Variants in FLT4 observed in about 807,000 individuals in gnomAD.
FLT4 encodes the protein fms related receptor tyrosine kinase 4.
A neutral mutation model predicts 163.2 loss-of-function variants in FLT4; 30 were observed. That is an observed-to-expected ratio of 0.18 (90% CI 0.14 to 0.25). The LOEUF (loss-of-function observed/expected upper bound fraction) is 0.25. Ranked by LOEUF, FLT4 falls within the 10% of genes least tolerant of loss-of-function variation. The pLI, the probability that FLT4 is intolerant of heterozygous loss-of-function variation, is 1.00. For missense variants in FLT4, 1,510 were observed against 1,863.8 expected (o/e 0.81, Z 3.50); for synonymous variants, 884 against 789.5 (o/e 1.12, Z -2.01).
rs775747461 is a variant in FLT4 at position 180,630,197 on chromosome 5, G to A, written c.513+28C>T. ...TTCCCAGGGGTGGGATGGGAGGGTCGGATGCTGGGGTTGGGGTGGGGCCGT... is the reference window on the plus strand; with the variant it reads ...TTCCCAGGGGTGGGATGGGAGGGTCAGATGCTGGGGTTGGGGTGGGGCCGT... On this transcript the variant is annotated intron_variant, in intron 4 of 29. Transcript: ENST00000261937. This position sits in a 1 kb window ranked among gnomAD's most constrained non-coding sequence, Gnocchi z 6.3. 11 of 1,608,012 alleles carry A rather than the reference G, an allele frequency of 6.8e-6. No homozygotes were observed. The highest frequency in any genetic ancestry group is 1.7e-5 in the Admixed American group (1 of 59,952).
At chr5:180,641,096 C>A (rs1765064519) in intron 1 of FLT4, among the ~76,000 whole-genome samples, 1 of 152,238 alleles carries the variant, frequency 6.6e-6, no homozygotes, top group Non-Finnish European at 1.5e-5. Context: ...GCCTCCCAGG[C>A]CCCTGCTCTC....
intron 29 of FLT4, among the ~76,000 whole-genome samples, 160 bp downstream of exon 29, chr5:180,608,808 A>G (rs1761952512): frequency 6.6e-6 from 1 of 152,204 alleles, no homozygotes; most frequent in Non-Finnish European, 1.5e-5. Context: ...GCTGTAGGTC[A>G]GGAGGGGTCT....
chr5:180,624,834 G>A (rs1458064229), intron 10 of FLT4, among the ~76,000 whole-genome samples: 1 of 152,242 alleles, frequency 6.6e-6, no homozygotes, highest in East Asian at 1.9e-4. Context: ...GCCAGGATTG[G>A]GGGGGTAGTC....
intron 28 of FLT4, 189 bp downstream of exon 28, chr5:180,609,716 A>C: frequency 1.5e-6 from 1 of 677,478 alleles, no homozygotes; most frequent in South Asian, 1.7e-5. Context: ...AGGGCATAGG[A>C]CAGAAAGCAG....
Position 180,631,621 on chromosome 5 carries a change from C to A in FLT4, c.155+61G>T, listed in dbSNP as rs980658201. On this transcript the variant is annotated intron_variant, in intron 2 of 29. Coordinates refer to ENST00000261937, the MANE Select transcript of FLT4 (RefSeq NM_182925.5). The stretch of plus-strand genomic sequence containing the variant: ...GGCTGCCATCTGGGCCCACAGCCAC[C>A]ACCTCCTGCCTTGGGCTTGTGCAGC... The A allele has an allele frequency of 5.1e-6, 7 of 1,367,892 alleles. No homozygotes were observed. In the African/African-American group the frequency reaches 1.0e-4, roughly 19 times the overall value. The allele number at this position is 1,367,892 out of a possible 1,614,324, so 84.7% of individuals were successfully genotyped here.
intron 1 of FLT4, among the ~76,000 whole-genome samples, chr5:180,645,720 G>A (rs1056500769): frequency 2.0e-5 from 3 of 152,116 alleles, no homozygotes; most frequent in Admixed American, 6.5e-5. Flanking sequence ...CTCCTCCTCC[G>A]GGAATGAATG....
chr5:180,619,932 G>T (rs548180630), intron 17 of FLT4, among the ~76,000 whole-genome samples, 163 bp from the exon 18 acceptor site: 1 of 152,274 alleles, frequency 6.6e-6, no homozygotes, highest in East Asian at 1.9e-4. Flanking sequence ...ACAGGAGGCC[G>T]CGCATCCTCC....
rs571655629 is a variant in FLT4, at chr5:180,636,762, C to T, written c.59-4984G>A. Among the ~76,000 whole-genome samples the T allele has an allele frequency of 2.0e-5, 3 of 152,198 alleles. No homozygotes were observed. In the South Asian group the frequency reaches 6.2e-4, roughly 32 times the overall value. On this transcript the variant is annotated intron_variant, in intron 1 of 29. Coordinates refer to ENST00000261937, the MANE Select transcript of FLT4 (RefSeq NM_182925.5). This position sits in a 1 kb window ranked among gnomAD's most constrained non-coding sequence, Gnocchi z 4.3. ...CTTCTACGTCTCTCTCCCTGCTTCC[C>T]CTGTTCTTGATCCACATCCTTCAGC...
chr5:180,629,901 AGTGACAGCCCCGTTACTGGGAACGG>A lies in FLT4; in HGVS notation c.676+17_676+41del. The A allele has an allele frequency of 6.2e-7, 1 of 1,612,706 alleles. No homozygotes were observed. The highest frequency in any genetic ancestry group is 1.1e-5 in the South Asian group (1 of 91,054). ...CGACACCCACTGAGGCCAGTGAGGC[AGTGACAGCCCCGTTACTGGGAACGG>A]GGCACAGCCCTGTTACCTGTGATGT... On this transcript the variant is annotated intron_variant, in intron 5 of 29. Transcript: ENST00000261937.
At position 180,602,562 on chromosome 5, in the gene FLT4, C is replaced by T. The variant is rs1176369486; in HGVS notation, c.*630G>A. 1 of 400,134 alleles carries T rather than the reference C, an allele frequency of 2.5e-6. No homozygotes were observed. The highest frequency in any genetic ancestry group is 2.1e-5 in the African/African-American group (1 of 48,652). 24.8% of individuals were successfully genotyped at this position (400,134 alleles called of 1,614,324 possible). ...CCAGGCGCAGGTGTGCGGGCTGCCT[C>T]TGTGTTGCCAGCGTATAATACTGTC... On this transcript the variant is annotated 3_prime_UTR_variant, in exon 30 of 30. Transcript: ENST00000261937.
intron 29 of FLT4, chr5:180,607,895 C>T (rs893210509): frequency 8.6e-6 from 5 of 583,210 alleles, no homozygotes; most frequent in East Asian, 5.7e-5. Context: ...CCCTCTGTCA[C>T]GCTGGCATAA....
intron 26 of FLT4, 52 bp downstream of exon 26, chr5:180,612,454 C>A (rs937456040): frequency 1.5e-6 from 2 of 1,370,718 alleles, no homozygotes. Context: ...GGGCCAGGGA[C>A]CCAGGGCAGG....
Position 180,627,504 on chromosome 5 carries a change from C to T in FLT4, c.1104-1239G>A, listed in dbSNP as rs375995340. Among the ~76,000 whole-genome samples, 264 of 152,330 alleles carry T rather than the reference C, an allele frequency of 1.7e-3. 3 individuals are homozygous for T. Among genetic ancestry groups the T allele is most frequent in the African/African-American group, 6.1e-3 (253 of 41,570 alleles). The stretch of plus-strand genomic sequence containing the variant: ...CGGACAGTGACAGCAGCGTGCTGGA[C>T]ACACTGCGGGTGCTTCGGAAGCCAA... On this transcript the variant is annotated intron_variant, in intron 8 of 29. Coordinates refer to ENST00000261937, the MANE Select transcript of FLT4 (RefSeq NM_182925.5).
Position 180,624,031 on chromosome 5 carries a change from T to C in FLT4, c.1452A>G (p.Pro484=), listed in dbSNP as rs574670594. The C allele has an allele frequency of 2.9e-5, 46 of 1,613,200 alleles. No homozygotes were observed. In the South Asian group the frequency reaches 4.9e-4, roughly 17 times the overall value. Residue 484 remains proline (P), a synonymous_variant, in exon 11 of 30, where the codon CCA becomes CCG. Coordinates refer to ENST00000261937, the MANE Select transcript of FLT4 (RefSeq NM_182925.5). ...TCACCGCCCTCCAGTCACGGCACTG[T>C]GGCATGAGGTCTTGCTGCTGCCGCC... ...LRRRQQQDLM[P]QCRDWRAVTT...
intron 1 of FLT4, among the ~76,000 whole-genome samples, chr5:180,647,569 C>T (rs1006542475): frequency 2.6e-5 from 4 of 151,698 alleles, no homozygotes; most frequent in Admixed American, 2.6e-4. Flanking sequence ...TGACACCCGA[C>T]TGCAGCTCCC....
In FLT4 at chr5:180,623,311, G is replaced by A. The variant is rs1052101026; in HGVS notation, c.1549-472C>T. Among the ~76,000 whole-genome samples, 2 of 152,096 alleles carry A rather than the reference G, an allele frequency of 1.3e-5. No homozygotes were observed. Among genetic ancestry groups the A allele is most frequent in the Non-Finnish European group, 2.9e-5 (2 of 67,998 alleles). On this transcript the variant is annotated intron_variant, in intron 11 of 29. Transcript: ENST00000261937. The surrounding 1 kb of genome is among the most constrained non-coding windows in gnomAD (Gnocchi z 5.8). ...CAGAACTGTCCTCAGCAGCAATCCC[G>A]AGGCCCAGGGTTATTGAGAGGGGTG...
rs2127813116 is a variant in FLT4, at chr5:180,620,872, A to G, written c.2299+4T>C. The stretch of plus-strand genomic sequence containing the variant: ...GAGTTGAGGGGTGCAGCCTGAGGCC[A>G]GACCTTCCACGGCCACGCTGGCGGA... On this transcript the variant is annotated splice_donor_region_variant and intron_variant, in intron 15 of 29. Transcript: ENST00000261937. This position sits in a 1 kb window ranked among gnomAD's most constrained non-coding sequence, Gnocchi z 4.4. 1 of 1,609,816 alleles carries G rather than the reference A, an allele frequency of 6.2e-7. No individual in the cohort carries two copies. The highest frequency in any genetic ancestry group is 8.5e-7 in the Non-Finnish European group (1 of 1,178,814).
In FLT4 at chr5:180,602,606, G is replaced by C. The variant is rs573585132; in HGVS notation, c.*586C>G. 7.4e-6 allele frequency: 3 copies of C among 405,588 alleles called. No homozygotes were observed. The South Asian group carries it at 3.6e-4, about 49-fold the overall frequency. 25.1% of individuals were successfully genotyped at this position (405,588 alleles called of 1,614,324 possible). On this transcript the variant is annotated 3_prime_UTR_variant, in exon 30 of 30. Transcript: ENST00000261937. ...TACTGTCATACTGGTGGCCACCCCAGGGGCTAGTTGGCTGTTTGGTCAGGC... is the reference window on the plus strand; with the variant it reads ...TACTGTCATACTGGTGGCCACCCCACGGGCTAGTTGGCTGTTTGGTCAGGC...
rs147703852 is a variant in FLT4, at chr5:180,625,967, C to G, written c.1323G>C (p.Gln441His). ...CCCCGTAGGCCGTGCAGGTGAGGGCCTGGCGGCTGTGACGCGAGTAGATGC... is the reference window on the plus strand; with the variant it reads ...CCCCGTAGGCCGTGCAGGTGAGGGCGTGGCGGCTGTGACGCGAGTAGATGC... ...SPSIYSRHSR[Q>H]ALTCTAYGVP... is the part of the protein sequence containing the mutation. Residue 441 changes from glutamine to histidine, a missense_variant, in exon 10 of 30, where the codon CAG becomes CAC. Physicochemically the swap from Gln to His is conservative, Grantham distance 24. Transcript: ENST00000261937. The G allele has an allele frequency of 3.4e-4, 543 of 1,612,798 alleles. 4 individuals carry two copies. In the African/African-American group the frequency reaches 6.6e-3, roughly 20 times the overall value.
Sources: allele counts gnomAD v4.1 joint callset (sites outside exome capture counted in the v4.1 genomes callset), GRCh38; gene constraint gnomAD v4.1.1; non-coding constraint Gnocchi (gnomAD v3.1); transcripts MANE v1.5; gene names NCBI Gene and HGNC (gene_info 2026-07-23, HGNC 2026-07-21).